The following COL24A1 variants were observed in gnomAD, a reference collection of about 807,000 sequenced individuals.
The protein encoded by COL24A1 is collagen type XXIV alpha 1 chain.
Under a neutral mutation model 253.9 loss-of-function variants are expected in COL24A1, and 224 were observed. The observed-to-expected ratio is 0.88, with a 90% CI of 0.79 to 0.99. The LOEUF (loss-of-function observed/expected upper bound fraction) is 0.99. COL24A1 is among the 50% of genes least tolerant of loss of function. The probability of loss-of-function intolerance (pLI) is 0.00; values close to 1 mark genes in which losing one functional copy is unlikely to be tolerated. For missense variants in COL24A1, 2,131 were observed against 2,068.5 expected (o/e 1.03, Z -0.59); for synonymous variants, 685 against 673.7 (o/e 1.02, Z -0.26).
intron 59 of COL24A1, among the ~76,000 whole-genome samples, chr1:85,731,185 C>T (rs919328463): frequency 2.6e-5 from 4 of 151,978 alleles, no homozygotes; most frequent in African/African-American, 7.2e-5. Context: ...GGTCTCTTCC[C>T]CCCCGCCCCA....
chr1:85,833,478 G>A (rs1162511015), intron 43 of COL24A1, among the ~76,000 whole-genome samples: 6 of 152,174 alleles, frequency 3.9e-5, no homozygotes, highest in Admixed American at 2.6e-4. Flanking sequence ...AGGTGCTGGA[G>A]AGGATGTGGA....
Position 85,734,904 on chromosome 1 carries a change from T to A in COL24A1, c.4843A>T (p.Thr1615Ser). 1 of 1,614,250 alleles carries A rather than the reference T, an allele frequency of 6.2e-7. No homozygotes were observed. Among genetic ancestry groups the A allele is most frequent in the Non-Finnish European group, 8.5e-7 (1 of 1,180,040 alleles). The stretch of plus-strand genomic sequence containing the variant: ...AGACAGTGAATGGTGATGATATGGG[T>A]GGCTTCCGAACTCAGTAAATGAAGG... The part of the protein sequence containing the change: ...NFLHLLSSEA[T>S]HIITIHCLNT... The change falls in exon 59 of 60, where the codon ACC becomes TCC. Residue 1615 changes from threonine to serine, a missense_variant. Physicochemically the swap from Thr to Ser is moderately conservative, Grantham distance 58 (BLOSUM62 1). Coordinates refer to ENST00000370571, the MANE Select transcript of COL24A1 (RefSeq NM_152890.7).
chr1:85,858,646 T>TCCTTCCTC (rs1678760312), intron 37 of COL24A1, among the ~76,000 whole-genome samples: 1 of 148,366 alleles, frequency 6.7e-6, no homozygotes, highest in Admixed American at 6.7e-5. Context: ...CTTCCTTCCT[T>TCCTTCCTC]CCTTCCTTCC....
In COL24A1 at chr1:85,737,378, T is replaced by C. The variant is rs757035193; in HGVS notation, c.4782+18A>G. 6.5e-7 allele frequency: 1 copy of C among 1,547,584 alleles called. No homozygotes were observed. The highest frequency in any genetic ancestry group is 1.2e-5 in the South Asian group (1 of 86,876). On this transcript the variant is annotated intron_variant, in intron 58 of 59. Coordinates refer to ENST00000370571, the MANE Select transcript of COL24A1 (RefSeq NM_152890.7). ...CTGTGCAATATAACGACATGTGTTC[T>C]AAAATTCAGTAACATACCTTTGTTA...
rs570401719 is a variant in COL24A1 at position 86,047,299 on chromosome 1, T to C, written c.1906-430A>G. ...CTGTGCACTGGCAATCTTGCAATCATATAGGAAATAAGCCTTAGGGTAAAG... is the reference window on the plus strand; with the variant it reads ...CTGTGCACTGGCAATCTTGCAATCACATAGGAAATAAGCCTTAGGGTAAAG... On this transcript the variant is annotated intron_variant, in intron 11 of 59. Transcript: ENST00000370571. 3.9e-5 allele frequency among the ~76,000 whole-genome samples: 6 copies of C among 152,284 alleles called. No homozygotes were observed. The South Asian group carries it at 8.3e-4, about 21-fold the overall frequency.
chr1:86,007,991 G>GT (rs1011708506), intron 19 of COL24A1, among the ~76,000 whole-genome samples: 47 of 152,218 alleles, frequency 3.1e-4, no homozygotes, highest in African/African-American at 1.1e-3. Flanking sequence ...ATGTGTCAAT[G>GT]TAGGTTCATC....
At chr1:85,740,388 A>G (rs1293689112) in intron 57 of COL24A1, among the ~76,000 whole-genome samples, 1 of 152,192 alleles carries the variant, frequency 6.6e-6, no homozygotes, top group African/African-American at 2.4e-5. Flanking sequence ...AAATTTATGT[A>G]ACTTATATAA....
At chr1:86,143,928 C>G (rs2102404854) in intron 2 of COL24A1, among the ~76,000 whole-genome samples, 1 of 152,168 alleles carries the variant, frequency 6.6e-6, no homozygotes, top group South Asian at 2.1e-4. Context: ...TATCTGTGAT[C>G]ATATAAAAAC....
At chr1:86,063,349 GTC>G (rs74793940) in intron 8 of COL24A1, among the ~76,000 whole-genome samples, 9 of 148,706 alleles carry the variant, frequency 6.1e-5, no homozygotes, top group South Asian at 2.1e-4. Context: ...AAAAAATTAA[GTC>G]TCTCTCTCTG....
chr1:86,017,108 A>G, intron 19 of COL24A1, 43 bp downstream of exon 19: 2 of 1,527,816 alleles, frequency 1.3e-6, no homozygotes, highest in Non-Finnish European at 1.8e-6. Context: ...TTTAATTTCC[A>G]CCATTTTGTT....
intron 32 of COL24A1, among the ~76,000 whole-genome samples, chr1:85,882,140 T>C (rs1398459583): frequency 6.6e-6 from 1 of 152,212 alleles, no homozygotes; most frequent in Admixed American, 6.5e-5. Context: ...CCATTTTCTG[T>C]TACTGTGGTG....
intron 5 of COL24A1, among the ~76,000 whole-genome samples, chr1:86,110,744 G>C (rs1410402788): frequency 2.0e-5 from 3 of 152,110 alleles, no homozygotes; most frequent in Non-Finnish European, 2.9e-5. Flanking sequence ...CCCGTGCTGC[G>C]CTCGAATTCT....
At chr1:86,057,356 T>G (rs1700740764) in intron 10 of COL24A1, among the ~76,000 whole-genome samples, 1 of 152,202 alleles carries the variant, frequency 6.6e-6, no homozygotes, top group Non-Finnish European at 1.5e-5. Flanking sequence ...AAACTTCTGC[T>G]CTTTATAAAT....
chr1:85,832,502 T>C, intron 43 of COL24A1, among the ~76,000 whole-genome samples: 1 of 151,440 alleles, frequency 6.6e-6, no homozygotes, highest in South Asian at 2.1e-4. Context: ...ATTGAATCTG[T>C]AAATTACCTT....
At chr1:86,027,380 A>G (rs1698134255) in intron 14 of COL24A1, among the ~76,000 whole-genome samples, 1 of 152,100 alleles carries the variant, frequency 6.6e-6, no homozygotes, top group South Asian at 2.1e-4. Context: ...TAGGAGAAAA[A>G]AAAGGTTTTT....
At chr1:85,979,114 T>G (rs545062632) in intron 20 of COL24A1, among the ~76,000 whole-genome samples, 1 of 152,024 alleles carries the variant, frequency 6.6e-6, no homozygotes, top group African/African-American at 2.4e-5. Flanking sequence ...GAAATCAAGA[T>G]GGAAATTAAA....
chr1:86,120,201 T>G (rs61802238), intron 3 of COL24A1, among the ~76,000 whole-genome samples: 1 of 152,070 alleles, frequency 6.6e-6, no homozygotes, highest in Middle Eastern at 3.4e-3. Context: ...AGAAGAAAAC[T>G]TAGGCAATAC....
intron 8 of COL24A1, among the ~76,000 whole-genome samples, chr1:86,061,649 C>G (rs1701099131): frequency 6.6e-6 from 1 of 152,198 alleles, no homozygotes; most frequent in African/African-American, 2.4e-5. Flanking sequence ...ACAAGTAAGA[C>G]TTCAGCATAA....
At chr1:85,985,198 G>C (rs2100899498) in intron 20 of COL24A1, among the ~76,000 whole-genome samples, 1 of 151,836 alleles carries the variant, frequency 6.6e-6, no homozygotes, top group African/African-American at 2.4e-5. Flanking sequence ...AACAGAAAAA[G>C]CTTCCTGGAC....
Sources: gnomAD v4.1 joint callset for allele counts (sites outside exome capture counted in the v4.1 genomes callset) on GRCh38, gnomAD v4.1.1 for gene constraint, MANE v1.5 for transcripts, NCBI Gene and HGNC (gene_info 2026-07-23, HGNC 2026-07-21) for gene names.